FAT3: variants seen among roughly 807,000 people sequenced by gnomAD.
FAT3 encodes the protein FAT atypical cadherin 3, also known as protocadherin Fat 3.
FAT3 carries 95 observed loss-of-function variants against 310.2 expected under a neutral mutation model. That is an observed-to-expected ratio of 0.31 (90% CI 0.26 to 0.36). The LOEUF (loss-of-function observed/expected upper bound fraction) is 0.36, where lower values mean the gene tolerates loss of function less well. Ranked by LOEUF, FAT3 falls within the 10% of genes least tolerant of loss-of-function variation. The pLI is 1.00. For missense variants in FAT3, 5,408 were observed against 5,715.6 expected (o/e 0.95, Z 1.74); for synonymous variants, 2,314 against 2,192.9 (o/e 1.06, Z -1.54).
rs181097246 is a variant in FAT3, at chr11:92,787,281, A to T, written c.4336-2662A>T. Among the ~76,000 whole-genome samples the T allele has an allele frequency of 8.2e-4, 125 of 152,212 alleles. 1 individual carries two copies. Among genetic ancestry groups the T allele is most frequent in the African/African-American group, 2.7e-3 (114 of 41,584 alleles). ...GTAAACCATACATATTTTTAAAGTT[A>T]TCTGTAGGAGAAGGGAATAGAGTGT... On this transcript the variant is annotated intron_variant, in intron 7 of 27. Coordinates refer to ENST00000525166, the MANE Select transcript of FAT3 (RefSeq NM_001367949.2).
intron 3 of FAT3, among the ~76,000 whole-genome samples, chr11:92,529,449 A>G (rs1486091404): frequency 6.6e-6 from 1 of 152,240 alleles, no homozygotes; most frequent in Non-Finnish European, 1.5e-5. Flanking sequence ...GGAAAGTGGT[A>G]AGATATTAGA....
At chr11:92,589,011 T>G (rs540165411) in intron 3 of FAT3, among the ~76,000 whole-genome samples, 1 of 152,160 alleles carries the variant, frequency 6.6e-6, no homozygotes, top group Admixed American at 6.6e-5. Flanking sequence ...TGAGAGTACA[T>G]GTTGATTGGG....
intron 4 of FAT3, among the ~76,000 whole-genome samples, chr11:92,705,397 ATGGTGG>A (rs1333104362): frequency 1.5e-5 from 1 of 65,718 alleles, no homozygotes; most frequent in African/African-American, 5.9e-5. Context: ...GGTGGTGGTG[ATGGTGG>A]TGGTGGTGAT....
chr11:92,367,656 TGA>T (rs1384763849), intron 2 of FAT3, among the ~76,000 whole-genome samples: 3 of 151,992 alleles, frequency 2.0e-5, no homozygotes, highest in Non-Finnish European at 4.4e-5. Flanking sequence ...AAAAAAAAAC[TGA>T]TAGTAGAGAC....
intron 4 of FAT3, among the ~76,000 whole-genome samples, chr11:92,757,533 G>A (rs753314154): frequency 1.3e-5 from 2 of 152,106 alleles, no homozygotes; most frequent in Admixed American, 6.5e-5. Flanking sequence ...GGGCTAATTC[G>A]AAGGGAGGTT....
At chr11:92,414,020 GC>G (rs1321415091) in intron 2 of FAT3, among the ~76,000 whole-genome samples, 1 of 152,060 alleles carries the variant, frequency 6.6e-6, no homozygotes, top group Non-Finnish European at 1.5e-5. Context: ...TGTCTGTTTT[GC>G]ATTTTGCGTG....
At chr11:92,690,174 A>G (rs1426134839) in intron 3 of FAT3, among the ~76,000 whole-genome samples, 1 of 152,220 alleles carries the variant, frequency 6.6e-6, no homozygotes, top group Non-Finnish European at 1.5e-5. Flanking sequence ...CCCTGCTGCT[A>G]AGGCAGAATT....
chr11:92,690,350 A>T (rs1437492408), intron 3 of FAT3, among the ~76,000 whole-genome samples: 2 of 152,206 alleles, frequency 1.3e-5, no homozygotes, highest in Non-Finnish European at 2.9e-5. Flanking sequence ...AGAAATCTCT[A>T]TTTATGAAGA....
chr11:92,242,153 G>A (rs1295756878), intron 1 of FAT3, among the ~76,000 whole-genome samples: 2 of 152,016 alleles, frequency 1.3e-5, no homozygotes, highest in African/African-American at 4.8e-5. Context: ...CTAGGATGAG[G>A]ATTTGACTCT....
intron 4 of FAT3, among the ~76,000 whole-genome samples, chr11:92,732,576 A>G (rs924381976): frequency 2.0e-5 from 3 of 152,216 alleles, no homozygotes; most frequent in Admixed American, 6.6e-5. Flanking sequence ...CATTGCTTCT[A>G]GATCAGATGG....
At chr11:92,298,934 A>G (rs1033594582) in intron 1 of FAT3, among the ~76,000 whole-genome samples, 2 of 152,054 alleles carry the variant, frequency 1.3e-5, no homozygotes, top group African/African-American at 2.4e-5. Context: ...GTTGAAGTTC[A>G]GAACACTTAT....
chr11:92,319,303 G>T (rs1947547148), intron 1 of FAT3, among the ~76,000 whole-genome samples: 1 of 152,092 alleles, frequency 6.6e-6, no homozygotes, highest in Non-Finnish European at 1.5e-5. Context: ...AATAAGTCAA[G>T]GTTGCAAGCA....
At chr11:92,487,426 A>G (rs1440185665) in intron 2 of FAT3, among the ~76,000 whole-genome samples, 4 of 152,214 alleles carry the variant, frequency 2.6e-5, no homozygotes, top group Non-Finnish European at 4.4e-5. Flanking sequence ...AGTGCCTTAC[A>G]TATTGTCTGA....
chr11:92,756,429 A>G (rs1280786253), intron 4 of FAT3, among the ~76,000 whole-genome samples: 1 of 152,230 alleles, frequency 6.6e-6, no homozygotes, highest in Non-Finnish European at 1.5e-5. Context: ...ATAGGAGCAG[A>G]CCACTGTATA....
chr11:92,575,281 C>T (rs1938420288), intron 3 of FAT3, among the ~76,000 whole-genome samples: 1 of 152,102 alleles, frequency 6.6e-6, no homozygotes, highest in Non-Finnish European at 1.5e-5. Flanking sequence ...CTCTTGGCTT[C>T]CTATGCAATG....
chr11:92,480,074 G>A (rs1225322930), intron 2 of FAT3, among the ~76,000 whole-genome samples: 1 of 152,038 alleles, frequency 6.6e-6, no homozygotes, highest in Non-Finnish European at 1.5e-5. Flanking sequence ...GACCATCCTG[G>A]CTAACACGGT....
At chr11:92,230,675 G>C (rs1474855983) in intron 1 of FAT3, among the ~76,000 whole-genome samples, 1 of 152,070 alleles carries the variant, frequency 6.6e-6, no homozygotes, top group Admixed American at 6.6e-5. Context: ...CAAGACAGTG[G>C]GCAAGATTCA....
intron 3 of FAT3, among the ~76,000 whole-genome samples, chr11:92,584,038 G>C (rs931616410): frequency 6.6e-6 from 1 of 151,992 alleles, no homozygotes; most frequent in African/African-American, 2.4e-5. Flanking sequence ...CCTCAGGCAA[G>C]TTTCATAAAC....
chr11:92,722,392 G>T (rs925147613), intron 4 of FAT3, among the ~76,000 whole-genome samples: 2 of 152,166 alleles, frequency 1.3e-5, no homozygotes, highest in African/African-American at 2.4e-5. Context: ...GGCTCCCATG[G>T]CCCTGGGCAG....
Sources: gnomAD v4.1 joint callset for allele counts (sites outside exome capture counted in the v4.1 genomes callset) on GRCh38, gnomAD v4.1.1 for gene constraint, MANE v1.5 for transcripts, NCBI Gene and HGNC (gene_info 2026-07-23, HGNC 2026-07-21) for gene names.